COX11: variants seen among roughly 807,000 people sequenced by gnomAD.
COX11 encodes the protein cytochrome c oxidase assembly protein COX11, mitochondrial.
Under a neutral mutation model 29.4 loss-of-function variants are expected in COX11, and 18 were observed. The observed-to-expected ratio is 0.61, with a 90% CI of 0.42 to 0.91. The LOEUF (loss-of-function observed/expected upper bound fraction) is 0.91, where lower values mean the gene tolerates loss of function less well. COX11 is among the 40% of genes least tolerant of loss of function. COX11 has a pLI of 0.00. For missense variants in COX11, 312 were observed against 346.0 expected, an observed-to-expected ratio of 0.90 and a Z score of 0.78; for synonymous variants, 131 against 124.0, an observed-to-expected ratio of 1.06 and a Z score of -0.38.
chr17:54,961,189 G>A lies in COX11; in HGVS notation c.*1544C>T, dbSNP rs1172980017. 4.0e-6 allele frequency: 5 copies of A among 1,256,314 alleles called. No homozygotes were observed. In the Admixed American group the frequency reaches 8.0e-5, roughly 20 times the overall value. The allele number at this position is 1,256,314 out of a possible 1,614,324, so 77.8% of individuals were successfully genotyped here. On this transcript the variant is annotated 3_prime_UTR_variant, in exon 4 of 4. Coordinates refer to ENST00000299335, the MANE Select transcript of COX11 (RefSeq NM_004375.5). ...AGAGAGTTATCAAGGAATGGGGAAA[G>A]AGAAGGACAGGATGAATACTGGCCA...
chr17:54,960,426 G>A lies in COX11; in HGVS notation c.*2307C>T. On this transcript the variant is annotated 3_prime_UTR_variant, in exon 4 of 4. Coordinates refer to ENST00000299335, the MANE Select transcript of COX11 (RefSeq NM_004375.5). Reference sequence around the variant, plus strand: ...TAAATAAACTAGAATACACACTTCAGGGCAGAGACTTATTTTTACTCATAT... The same window carrying A: ...TAAATAAACTAGAATACACACTTCAAGGCAGAGACTTATTTTTACTCATAT... 1.5e-6 allele frequency: 1 copy of A among 653,598 alleles called. No homozygotes were observed. The highest frequency in any genetic ancestry group is 2.6e-5 in the Admixed American group (1 of 38,400). 40.5% of individuals were successfully genotyped at this position (653,598 alleles called of 1,614,324 possible). A position where few individuals can be genotyped will look rare whatever the true frequency, so the allele number is the denominator to read the frequency against.
At position 54,968,265 on chromosome 17, in the gene COX11, C is replaced by G; in HGVS notation, c.366+16G>C. The G allele has an allele frequency of 6.2e-7, 1 of 1,600,790 alleles. No individual in the cohort carries two copies. The highest frequency in any genetic ancestry group is 8.5e-7 in the Non-Finnish European group (1 of 1,175,436). On this transcript the variant is annotated intron_variant, in intron 1 of 3. Transcript: ENST00000299335. ...TCTCGCGTCTGCGCCACCCTGCGGG[C>G]GGCGCCGGCCCCTACCTGGCAATAG...
intron 1 of COX11, among the ~76,000 whole-genome samples, chr17:54,967,681 C>T (rs1259877957): frequency 2.2e-5 from 3 of 135,860 alleles, no homozygotes; most frequent in Non-Finnish European, 4.6e-5. Flanking sequence ...GATGCTGATG[C>T]TGCCGGTCCT....
chr17:54,959,897 G>A (rs145503036), downstream of COX11, among the ~76,000 whole-genome samples: 103 of 152,230 alleles, frequency 6.8e-4, 2 homozygotes, highest in East Asian at 0.019. Flanking sequence ...GATTATAGGT[G>A]TGAGCCACTG....
chr17:54,955,678 G>A (rs187919043), downstream of COX11, among the ~76,000 whole-genome samples: 73 of 152,296 alleles, frequency 4.8e-4, 1 homozygote, highest in Non-Finnish European at 1.5e-5. Flanking sequence ...AAACGATGGC[G>A]ATGTCTCTCA....
Position 54,963,324 on chromosome 17 carries a change from C to A in COX11, c.630G>T (p.Gln210His). The change falls in exon 3 of 4, where the codon CAG becomes CAT. Residue 210 changes from glutamine (Q) to histidine (H), a missense_variant. Around this residue, in one of 2 missense-constraint regions of COX11, gnomAD observed 182 missense variants for 240.0 expected, o/e 0.76. Coordinates refer to ENST00000299335, the MANE Select transcript of COX11 (RefSeq NM_004375.5). ...GATGTACCTGTATTTTATTGAAATA[C>A]TGTCCAGCTTCAAATGGAACAATAT... ...TYNIVPFEAGQYFNKIQCFCF... is the reference protein window; with the variant it reads ...TYNIVPFEAGHYFNKIQCFCF... 6.2e-7 allele frequency: 1 copy of A among 1,610,780 alleles called. No homozygotes were observed. The highest frequency in any genetic ancestry group is 8.5e-7 in the Non-Finnish European group (1 of 1,178,254).
chr17:54,961,695 C>T lies in COX11; in HGVS notation c.*1038G>A. ...TTTAACTAAAGTTGAATGTAAAAGTCAATTTGCACTTCTTTATAATCCTCT... is the reference window on the plus strand; with the variant it reads ...TTTAACTAAAGTTGAATGTAAAAGTTAATTTGCACTTCTTTATAATCCTCT... On this transcript the variant is annotated 3_prime_UTR_variant, in exon 4 of 4. Coordinates refer to ENST00000299335, the MANE Select transcript of COX11 (RefSeq NM_004375.5). The T allele has an allele frequency of 9.6e-7, 1 of 1,044,608 alleles. No individual in the cohort carries two copies. The highest frequency in any genetic ancestry group is 1.2e-6 in the Non-Finnish European group (1 of 867,308). The allele number at this position is 1,044,608 out of a possible 1,614,324, so 64.7% of individuals were successfully genotyped here. A position where few individuals can be genotyped will look rare whatever the true frequency, so the allele number is the denominator to read the frequency against.
In COX11 at chr17:54,968,271, C is replaced by T; in HGVS notation, c.366+10G>A. On this transcript the variant is annotated intron_variant, in intron 1 of 3. Transcript: ENST00000299335. ...GTCTGCGCCACCCTGCGGGCGGCGC[C>T]GGCCCCTACCTGGCAATAGAGCCGA... 2 of 1,606,436 alleles carry T rather than the reference C, an allele frequency of 1.2e-6. No homozygotes were observed. Among genetic ancestry groups the T allele is most frequent in the South Asian group, 1.1e-5 (1 of 90,858 alleles).
chr17:54,964,413 C>G (rs1567856381), intron 2 of COX11: 1 of 350,674 alleles, frequency 2.9e-6, no homozygotes, highest in East Asian at 7.5e-5. Context: ...CTACTCCCAA[C>G]TGTTTCACTC....
In COX11 at chr17:54,968,379, G is replaced by A. The variant is rs762248368; in HGVS notation, c.268C>T (p.Arg90Trp). 1 of 1,612,994 alleles carries A rather than the reference G, an allele frequency of 6.2e-7. No individual in the cohort carries two copies. Among genetic ancestry groups the A allele is most frequent in the Non-Finnish European group, 8.5e-7 (1 of 1,179,968 alleles). Residue 90 changes from arginine (R) to tryptophan (W), a missense_variant, in exon 1 of 4, where the codon CGG (arginine) becomes TGG (tryptophan). This residue lies in a region of COX11 where 182 missense variants were observed against 240.0 expected (regional missense o/e 0.76). Coordinates refer to ENST00000299335, the MANE Select transcript of COX11 (RefSeq NM_004375.5). ...TAAGTGAGGGTCGTCTTGTTCTGCC[G>A]CCGCCGCTCCTCCTCCTGCGCGCGT... ...FTRAQEEERR[R>W]QNKTTLTYVA...
At chr17:54,959,907 G>A (rs2077070214), downstream of COX11, among the ~76,000 whole-genome samples, 2 of 152,104 alleles carry the variant, frequency 1.3e-5, no homozygotes, top group Non-Finnish European at 2.9e-5. Flanking sequence ...GTGAGCCACT[G>A]CACTTGTCCT....
At chr17:54,956,689 C>T (rs1277091911), downstream of COX11, 2 of 152,312 alleles carry the variant, frequency 1.3e-5, no homozygotes, top group African/African-American at 4.8e-5. Context: ...AAGCAATCCT[C>T]CTGCCTCAGC....
chr17:54,965,763 G>A (rs1468686048), intron 1 of COX11, among the ~76,000 whole-genome samples: 1 of 150,816 alleles, frequency 6.6e-6, no homozygotes, highest in East Asian at 2.0e-4. Flanking sequence ...CCCGGGAGGC[G>A]GAGGTTGCAG....
At position 54,962,750 on chromosome 17, in the gene COX11, C is replaced by A; in HGVS notation, c.814G>T (p.Val272Phe). 1 of 1,611,382 alleles carries A rather than the reference C, an allele frequency of 6.2e-7. No individual in the cohort carries two copies. Among genetic ancestry groups the A allele is most frequent in the Non-Finnish European group, 8.5e-7 (1 of 1,179,060 alleles). ...FEAKEGHKLPVPGYN is the reference protein window; with the variant it reads ...FEAKEGHKLPFPGYN ...TGCTGACTTCAATTATATCCTGGAA[C>A]TGGCAACTTGTGCCCTTCCTTTGCT... Residue 272 changes from valine (V) to phenylalanine (F), a missense_variant, in exon 4 of 4, where the codon GTT becomes TTT. Val to Phe is a conservative substitution (Grantham distance 50). Transcript: ENST00000299335.
intron 1 of COX11, among the ~76,000 whole-genome samples, chr17:54,966,587 T>G (rs1003484477): frequency 6.6e-6 from 1 of 152,166 alleles, no homozygotes; most frequent in Non-Finnish European, 1.5e-5. Context: ...CACCTCCATG[T>G]TGTGACAACC....
Position 54,962,938 on chromosome 17 carries a change from A to C in COX11, c.649-23T>G, listed in dbSNP as rs746312332. Reference sequence around the variant, plus strand: ...GCACTGGAAATTATAGAAAGATTTTAATAACATTTCTATTCTCGTATTACA... The same window carrying C: ...GCACTGGAAATTATAGAAAGATTTTCATAACATTTCTATTCTCGTATTACA... On this transcript the variant is annotated intron_variant, in intron 3 of 3. Coordinates refer to ENST00000299335, the MANE Select transcript of COX11 (RefSeq NM_004375.5). The C allele has an allele frequency of 1.9e-6, 3 of 1,577,964 alleles. No individual in the cohort carries two copies. In the East Asian group the frequency reaches 6.7e-5, roughly 35 times the overall value.
chr17:54,965,778 C>T (rs761861571), intron 1 of COX11, among the ~76,000 whole-genome samples: 1 of 151,934 alleles, frequency 6.6e-6, no homozygotes, highest in African/African-American at 2.4e-5. Context: ...TTGCAGTGAG[C>T]CGAGATCACA....
downstream of COX11, chr17:54,957,731 A>G (rs946485495): frequency 5.3e-5 from 8 of 152,148 alleles, no homozygotes; most frequent in Non-Finnish European, 4.4e-5. Flanking sequence ...CAGGTTGACA[A>G]TTTTTGCTCT....
At chr17:54,954,756 G>T (rs1046550596) in exon 1 of COX11, 2 of 152,192 alleles carry the variant, frequency 1.3e-5, no homozygotes, top group African/African-American at 4.8e-5. Context: ...TCTAGAATTG[G>T]CAATATAGTT....
Sources: allele counts gnomAD v4.1 joint callset (sites outside exome capture counted in the v4.1 genomes callset), GRCh38; gene constraint gnomAD v4.1.1; regional missense constraint gnomAD v4.1.1; transcripts MANE v1.5; gene names NCBI Gene and HGNC (gene_info 2026-07-23, HGNC 2026-07-21).